Variants in MCC observed in about 807,000 individuals in gnomAD.
MCC encodes the protein MCC regulator of Wnt signaling pathway.
Under a neutral mutation model 116.2 loss-of-function variants are expected in MCC, and 90 were observed. The ratio of observed to expected loss-of-function variants is 0.77; its 90% confidence interval spans 0.65 to 0.92. MCC has a LOEUF of 0.92. Ranked by LOEUF, MCC falls within the 40% of genes least tolerant of loss-of-function variation. The pLI is 0.00. For synonymous variants in MCC, 578 were observed against 510.5 expected (o/e 1.13, Z -1.78); for missense variants, 1,516 against 1,312.2 (o/e 1.16, Z -2.40).
At chr5:113,293,597 G>A (rs1351208866) in intron 3 of MCC, among the ~76,000 whole-genome samples, 1 of 152,142 alleles carries the variant, frequency 6.6e-6, no homozygotes, top group African/African-American at 2.4e-5. Context: ...GAAAAAAGAT[G>A]GCTTTGGGCA....
At chr5:113,272,262 G>T (rs993697295) in intron 3 of MCC, among the ~76,000 whole-genome samples, 4 of 152,138 alleles carry the variant, frequency 2.6e-5, no homozygotes, top group African/African-American at 9.7e-5. Context: ...ACTCAACTAT[G>T]AGCCACAATT....
chr5:113,228,094 T>C (rs775186969), intron 3 of MCC, among the ~76,000 whole-genome samples: 1 of 152,210 alleles, frequency 6.6e-6, no homozygotes, highest in Non-Finnish European at 1.5e-5. Context: ...CCTACTTAAG[T>C]AGGTGTTGAA....
intron 11 of MCC, 55 bp downstream of exon 11, chr5:113,082,805 G>A: frequency 6.3e-7 from 1 of 1,587,388 alleles, no homozygotes; most frequent in Non-Finnish European, 8.6e-7. Flanking sequence ...AAAGAGAAGT[G>A]AGGAGTAGCA....
At chr5:113,441,424 T>G (rs1771038036) in intron 1 of MCC, among the ~76,000 whole-genome samples, 1 of 152,202 alleles carries the variant, frequency 6.6e-6, no homozygotes, top group African/African-American at 2.4e-5. Context: ...GAAAACATTT[T>G]CTATAAAGAG....
At chr5:113,303,411 A>G (rs1336944912) in intron 3 of MCC, among the ~76,000 whole-genome samples, 3 of 152,230 alleles carry the variant, frequency 2.0e-5, no homozygotes, top group Non-Finnish European at 4.4e-5. Flanking sequence ...CTGTAAATAG[A>G]ATCATAAGAA....
At chr5:113,125,217 G>A (rs1238361863) in intron 5 of MCC, among the ~76,000 whole-genome samples, 1 of 152,158 alleles carries the variant, frequency 6.6e-6, no homozygotes. Flanking sequence ...AATACAATGT[G>A]GAAAGTCTAG....
chr5:113,042,466 C>T (rs1480310659), intron 17 of MCC, among the ~76,000 whole-genome samples: 1 of 115,606 alleles, frequency 8.7e-6, no homozygotes, highest in African/African-American at 3.7e-5. Context: ...CAGAATGAGA[C>T]CCTCTCTCAA....
intron 5 of MCC, among the ~76,000 whole-genome samples, chr5:113,132,467 CACACACACACAT>C (rs1561385380): frequency 3.1e-5 from 2 of 63,962 alleles, no homozygotes; most frequent in Admixed American, 1.9e-4. Context: ...CACACACACA[CACACACACACAT>C]ACATATATAT....
At chr5:113,049,028 G>GGTCACTGGGCA (rs60906034) in intron 16 of MCC, 65 bp downstream of exon 16, 4 of 1,497,582 alleles carry the variant, frequency 2.7e-6, no homozygotes, top group African/African-American at 2.7e-5. Flanking sequence ...TGTGGCCAGT[G>GGTCACTGGGCA]GTCACTGGGC....
intron 3 of MCC, among the ~76,000 whole-genome samples, chr5:113,246,635 T>G (rs576023003): frequency 6.6e-6 from 1 of 152,232 alleles, no homozygotes; most frequent in African/African-American, 2.4e-5. Flanking sequence ...GGAGATACTG[T>G]CTTTTGTCTC....
chr5:113,268,218 T>C (rs556390540), intron 3 of MCC, among the ~76,000 whole-genome samples: 1 of 152,310 alleles, frequency 6.6e-6, no homozygotes, highest in East Asian at 1.9e-4. Context: ...ACCATCTTCC[T>C]ATACCACTTC....
intron 5 of MCC, among the ~76,000 whole-genome samples, chr5:113,127,644 T>C (rs896643455): frequency 6.6e-6 from 1 of 152,216 alleles, no homozygotes; most frequent in Non-Finnish European, 1.5e-5. Flanking sequence ...GCTGCATGTA[T>C]ATCTTTTGAA....
chr5:113,279,253 G>A (rs995070964), intron 3 of MCC, among the ~76,000 whole-genome samples: 1 of 152,020 alleles, frequency 6.6e-6, no homozygotes, highest in Admixed American at 6.6e-5. Flanking sequence ...ACCCACATAA[G>A]CACCAATGTT....
rs146441757 is a variant in MCC, at chr5:113,182,321, T to G, written c.628-30899A>C. Among the ~76,000 whole-genome samples the G allele has an allele frequency of 1.6e-3, 251 of 152,362 alleles. 3 individuals carry two copies. Among genetic ancestry groups the G allele is most frequent in the African/African-American group, 5.9e-3 (246 of 41,586 alleles). Reference sequence around the variant, plus strand: ...TACAGTCAAGCCAGACCCAGTGTTCTAATGTGGTTAAGTGGGCACATACCC... The same window carrying G: ...TACAGTCAAGCCAGACCCAGTGTTCGAATGTGGTTAAGTGGGCACATACCC... On this transcript the variant is annotated intron_variant, in intron 3 of 18. Coordinates refer to ENST00000408903, the MANE Select transcript of MCC (RefSeq NM_001085377.2).
chr5:113,245,310 T>C (rs908367851), intron 3 of MCC, among the ~76,000 whole-genome samples: 1 of 143,064 alleles, frequency 7.0e-6, no homozygotes, highest in Non-Finnish European at 1.5e-5. Context: ...AAAAAAAAAG[T>C]AATACTTTTT....
At chr5:113,162,890 T>C (rs1430366668) in intron 3 of MCC, among the ~76,000 whole-genome samples, 1 of 152,150 alleles carries the variant, frequency 6.6e-6, no homozygotes, top group African/African-American at 2.4e-5. Flanking sequence ...AAAACAGTGG[T>C]ACGTTACTAT....
chr5:113,432,680 AT>A (rs1315966190), intron 1 of MCC: 3 of 152,208 alleles, frequency 2.0e-5, no homozygotes, highest in African/African-American at 7.2e-5. Context: ...GCTTTTCACT[AT>A]TGTTACATTG....
chr5:113,300,495 T>C (rs908657502), intron 3 of MCC, among the ~76,000 whole-genome samples: 7 of 152,288 alleles, frequency 4.6e-5, no homozygotes, highest in African/African-American at 1.4e-4. Flanking sequence ...GTGTTTACAT[T>C]GTAAAAGGAG....
In MCC at chr5:113,264,282, G is replaced by T. The variant is rs1046431364; in HGVS notation, c.627+76237C>A. Among the ~76,000 whole-genome samples, 5 of 152,196 alleles carry T rather than the reference G, an allele frequency of 3.3e-5. No individual in the cohort carries two copies. The East Asian group carries it at 9.6e-4, about 29-fold the overall frequency. On this transcript the variant is annotated intron_variant, in intron 3 of 18. Coordinates refer to ENST00000408903, the MANE Select transcript of MCC (RefSeq NM_001085377.2). ...AGACTTGGTTTCTCTATATAAATAC[G>T]AAAACGGCATCTGCCTCCCTCCCCA...
Sources: gnomAD v4.1 joint callset for allele counts (sites outside exome capture counted in the v4.1 genomes callset) on GRCh38, gnomAD v4.1.1 for gene constraint, MANE v1.5 for transcripts, NCBI Gene and HGNC (gene_info 2026-07-23, HGNC 2026-07-21) for gene names.